The following DLG2 variants were observed in gnomAD, a reference collection of about 807,000 sequenced individuals.
DLG2 encodes disks large homolog 2.
DLG2 carries 45 observed loss-of-function variants against 132.5 expected under a neutral mutation model. The ratio of observed to expected loss-of-function variants is 0.34; its 90% CI spans 0.27 to 0.44. The LOEUF (loss-of-function observed/expected upper bound fraction) is 0.44. Ranked by LOEUF, DLG2 falls within the 20% of genes least tolerant of loss-of-function variation. The pLI is 1.00. For synonymous variants in DLG2, 424 were observed against 419.6 expected (o/e 1.01, Z -0.13); for missense variants, 1,045 against 1,196.9 (o/e 0.87, Z 1.87).
intron 6 of DLG2, among the ~76,000 whole-genome samples, chr11:84,752,291 A>G (rs1223494872): frequency 1.3e-5 from 2 of 152,154 alleles, no homozygotes; most frequent in East Asian, 1.9e-4. Context: ...TATAGTGGTA[A>G]AAAAGACAAA....
chr11:83,585,603 G>T (rs2097070795), intron 19 of DLG2, among the ~76,000 whole-genome samples: 1 of 152,128 alleles, frequency 6.6e-6, no homozygotes, highest in Admixed American at 6.5e-5. Flanking sequence ...CTAAAACTTG[G>T]ACTGAAACAA....
chr11:83,702,245 G>A (rs1049516803), intron 18 of DLG2, among the ~76,000 whole-genome samples: 6 of 152,118 alleles, frequency 3.9e-5, no homozygotes, highest in Admixed American at 3.3e-4. Flanking sequence ...TTAAAAAAGT[G>A]TTTTTTAATG....
intron 19 of DLG2, among the ~76,000 whole-genome samples, chr11:83,590,287 A>T (rs1479550884): frequency 2.6e-5 from 4 of 152,184 alleles, no homozygotes; most frequent in East Asian, 1.9e-4. Context: ...TATAACAAAC[A>T]GTCTCTCAGA....
intron 21 of DLG2, among the ~76,000 whole-genome samples, chr11:83,527,784 A>T (rs1420112089): frequency 6.6e-6 from 1 of 152,180 alleles, no homozygotes; most frequent in African/African-American, 2.4e-5. Context: ...ACTCTCTCTT[A>T]CATATATTTC....
chr11:84,251,385 C>A (rs904035265), intron 7 of DLG2, 94 bp from the exon 8 acceptor site: 3 of 987,278 alleles, frequency 3.0e-6, no homozygotes, highest in Non-Finnish European at 4.4e-6. Flanking sequence ...GCTCAACAGG[C>A]ATTTCTTGAG....
chr11:84,623,221 T>C (rs138055174), intron 6 of DLG2, among the ~76,000 whole-genome samples: 103 of 152,294 alleles, frequency 6.8e-4, no homozygotes, highest in Middle Eastern at 3.4e-3. Context: ...TATTTACTTA[T>C]GCCATTCCCT....
chr11:83,962,948 G>A lies in DLG2; in HGVS notation c.1277C>T (p.Pro426Leu). Residue 426 changes from proline to leucine, a missense_variant, in exon 14 of 28, where the codon CCC becomes CTC. By Grantham distance (98) the Pro-to-Leu change is moderately conservative. This residue lies in a region of DLG2 where 261 missense variants were observed against 256.1 expected (regional missense o/e 1.02). Transcript: ENST00000376104. ...TGGTGAGTACCTTCCTGGAGAGATG[G>A]GTGGCAGGGAGGTTTTATATTCTAA... ...GTLEYKTSLP[P>L]ISPGRYSPIP... 2 of 1,613,194 alleles carry A rather than the reference G, an allele frequency of 1.2e-6. No individual in the cohort carries two copies. Among genetic ancestry groups the A allele is most frequent in the Non-Finnish European group, 1.7e-6 (2 of 1,179,250 alleles).
chr11:84,871,683 A>G (rs766520915), intron 6 of DLG2, among the ~76,000 whole-genome samples: 24 of 152,100 alleles, frequency 1.6e-4, no homozygotes, highest in Non-Finnish European at 2.8e-4. Context: ...TATGCTCTGA[A>G]TCTAGTATAT....
chr11:85,433,363 C>G (rs1169694277), intron 3 of DLG2, among the ~76,000 whole-genome samples: 1 of 152,138 alleles, frequency 6.6e-6, no homozygotes, highest in Admixed American at 6.6e-5. Flanking sequence ...TTAAAAGACA[C>G]AGACTGGCAA....
intron 3 of DLG2, among the ~76,000 whole-genome samples, chr11:85,513,485 A>C (rs1473030118): frequency 6.6e-6 from 1 of 152,098 alleles, no homozygotes; most frequent in Non-Finnish European, 1.5e-5. Flanking sequence ...ACTATGTCAC[A>C]TGAACTTATC....
At chr11:84,653,858 T>C (rs1412892834) in intron 6 of DLG2, among the ~76,000 whole-genome samples, 2 of 152,158 alleles carry the variant, frequency 1.3e-5, no homozygotes, top group Non-Finnish European at 2.9e-5. Context: ...ATTAGTAGCT[T>C]ATTGTCTCTT....
chr11:83,714,956 G>C (rs911925002), intron 18 of DLG2, among the ~76,000 whole-genome samples: 12 of 152,248 alleles, frequency 7.9e-5, no homozygotes, highest in African/African-American at 2.9e-4. Flanking sequence ...AAAGACACAT[G>C]CACACATATG....
At chr11:84,209,030 A>C (rs1456649690) in intron 8 of DLG2, among the ~76,000 whole-genome samples, 1 of 152,240 alleles carries the variant, frequency 6.6e-6, no homozygotes, top group African/African-American at 2.4e-5. Flanking sequence ...ATGTGTATAC[A>C]TAGGATAATA....
At chr11:85,529,995 T>G (rs538147171) in intron 3 of DLG2, among the ~76,000 whole-genome samples, 8 of 150,296 alleles carry the variant, frequency 5.3e-5, no homozygotes, top group East Asian at 2.0e-4. Flanking sequence ...TTGTTTTTTT[T>G]TTTTTTTTTT....
At chr11:83,973,253 A>AT (rs2091657991) in intron 12 of DLG2, among the ~76,000 whole-genome samples, 1 of 150,792 alleles carries the variant, frequency 6.6e-6, no homozygotes, top group African/African-American at 2.4e-5. Flanking sequence ...TATTAAGATA[A>AT]TTTTAAAATG....
At chr11:83,686,743 A>T (rs2079861561) in intron 18 of DLG2, among the ~76,000 whole-genome samples, 1 of 151,980 alleles carries the variant, frequency 6.6e-6, no homozygotes, top group African/African-American at 2.4e-5. Context: ...TTTCTTTCTG[A>T]TGCTTTATAG....
At chr11:84,758,583 T>C (rs2067194989) in intron 6 of DLG2, among the ~76,000 whole-genome samples, 1 of 152,174 alleles carries the variant, frequency 6.6e-6, no homozygotes, top group Admixed American at 6.5e-5. Flanking sequence ...TACCCTATAG[T>C]TTTCTCCCCT....
intron 21 of DLG2, among the ~76,000 whole-genome samples, chr11:83,513,639 T>C (rs2095157783): frequency 6.6e-6 from 1 of 152,248 alleles, no homozygotes; most frequent in Non-Finnish European, 1.5e-5. Flanking sequence ...CTAGGTTTTC[T>C]TCTAGGGTTT....
chr11:83,459,627 T>C lies in DLG2; in HGVS notation c.*191A>G, dbSNP rs1033866927. On this transcript the variant is annotated 3_prime_UTR_variant, in exon 28 of 28. Coordinates refer to ENST00000376104, the MANE Select transcript of DLG2 (RefSeq NM_001142699.3). ...AGCCTTCCTTCATACTGCAATGTCT[T>C]TTCTGTCCCACCCTTTGGCCCCTCT... The C allele has an allele frequency of 1.5e-4, 75 of 502,964 alleles. No individual in the cohort carries two copies. Among genetic ancestry groups the C allele is most frequent in the Non-Finnish European group, 2.5e-4 (71 of 280,282 alleles). The allele number at this position is 502,964 out of a possible 1,614,324, so 31.2% of individuals were successfully genotyped here.
Sources: gnomAD v4.1 joint callset for allele counts (sites outside exome capture counted in the v4.1 genomes callset) on GRCh38, gnomAD v4.1.1 for gene constraint, gnomAD v4.1.1 regional missense constraint, MANE v1.5 for transcripts, NCBI Gene and HGNC (gene_info 2026-07-23, HGNC 2026-07-21) for gene names.